The following ANAPC10 variants were observed in gnomAD, a reference collection of about 807,000 sequenced individuals.
ANAPC10 encodes anaphase-promoting complex subunit 10.
In ANAPC10, 12 loss-of-function variants were observed where a neutral mutation model predicts 22.0. That is an observed-to-expected ratio of 0.55 (90% confidence interval 0.35 to 0.88). The LOEUF is 0.88. Among genes scored for constraint, ANAPC10 ranks in the 40% least tolerant of loss-of-function variants. The pLI is 0.01. For missense variants in ANAPC10, 188 were observed against 220.9 expected (o/e 0.85, Z 0.94); for synonymous variants, 65 against 69.5 (o/e 0.94, Z 0.32).
chr4:145,033,494 G>A (rs1026715614), intron 4 of ANAPC10: 17 of 152,262 alleles, frequency 1.1e-4, no homozygotes, highest in African/African-American at 3.9e-4. Flanking sequence ...TGGGATGACT[G>A]ACCTGGACTA....
At chr4:145,054,768 G>T (rs1579054318) in intron 4 of ANAPC10, among the ~76,000 whole-genome samples, 1 of 151,866 alleles carries the variant, frequency 6.6e-6, no homozygotes, top group East Asian at 1.9e-4. Context: ...TATGAAAGAG[G>T]TCAGTAAATG....
intron 4 of ANAPC10, among the ~76,000 whole-genome samples, chr4:145,049,597 T>C (rs1740809349): frequency 6.6e-6 from 1 of 152,188 alleles, no homozygotes; most frequent in Non-Finnish European, 1.5e-5. Context: ...TTTGTTTTTT[T>C]GAGATAGGGT....
At chr4:144,999,224 C>G (rs1269414146) in intron 4 of ANAPC10, 1 of 154,474 alleles carries the variant, frequency 6.5e-6, no homozygotes, top group East Asian at 1.9e-4. Context: ...AGAAACTATT[C>G]CAATCAAGAG....
chr4:145,053,645 A>G (rs1203945620), intron 4 of ANAPC10: 1 of 465,730 alleles, frequency 2.1e-6, no homozygotes, highest in African/African-American at 2.0e-5. Flanking sequence ...AATTCTCTTA[A>G]TTCCTTTATG....
chr4:145,061,886 T>C (rs1029266054), intron 4 of ANAPC10, among the ~76,000 whole-genome samples: 7 of 151,874 alleles, frequency 4.6e-5, no homozygotes, highest in African/African-American at 1.2e-4. Context: ...GGTGGATAGA[T>C]CACTTGAGGT....
At chr4:145,006,264 A>G (rs1733331675) in intron 4 of ANAPC10, among the ~76,000 whole-genome samples, 1 of 152,090 alleles carries the variant, frequency 6.6e-6, no homozygotes, top group Non-Finnish European at 1.5e-5. Flanking sequence ...CTGAAATTAT[A>G]GCAACCCAGA....
At chr4:145,023,138 T>C (rs1736197347) in intron 4 of ANAPC10, among the ~76,000 whole-genome samples, 1 of 152,082 alleles carries the variant, frequency 6.6e-6, no homozygotes, top group Admixed American at 6.6e-5. Flanking sequence ...ATTGTACCAA[T>C]GACTGTCACA....
intron 4 of ANAPC10, among the ~76,000 whole-genome samples, chr4:145,006,871 A>T (rs1052955032): frequency 5.3e-5 from 8 of 151,942 alleles, no homozygotes; most frequent in Non-Finnish European, 8.8e-5. Flanking sequence ...TTGTCTCTGC[A>T]GAGACTCCTC....
At chr4:145,042,766 T>C (rs757202052) in intron 4 of ANAPC10, among the ~76,000 whole-genome samples, 37 of 152,184 alleles carry the variant, frequency 2.4e-4, no homozygotes, top group Admixed American at 1.8e-3. Context: ...CAGACACTGA[T>C]GTTCACACAA....
intron 1 of ANAPC10, chr4:145,097,819 G>T (rs1414221326): frequency 2.9e-6 from 1 of 339,634 alleles, no homozygotes; most frequent in African/African-American, 2.2e-5. Context: ...CCGGACTTGG[G>T]ACTGGACGCC....
At chr4:145,094,343 C>A (rs376811267) in intron 2 of ANAPC10, among the ~76,000 whole-genome samples, 4 of 152,030 alleles carry the variant, frequency 2.6e-5, no homozygotes, top group Non-Finnish European at 5.9e-5. Context: ...AGAAGACTGA[C>A]CATAAAGAGA....
chr4:145,081,446 G>A (rs528432070), intron 3 of ANAPC10: 2 of 401,942 alleles, frequency 5.0e-6, no homozygotes, highest in South Asian at 8.9e-5. Context: ...AAGGAACTAT[G>A]CAACATACCA....
At chr4:145,073,529 ATATATTGGTAT>A in intron 3 of ANAPC10, among the ~76,000 whole-genome samples, 1 of 152,158 alleles carries the variant, frequency 6.6e-6, no homozygotes, top group East Asian at 1.9e-4. Context: ...ACATCCATAC[ATATATTGGTAT>A]TAAAGTATAT....
At chr4:145,012,912 G>C (rs1242281820) in intron 4 of ANAPC10, among the ~76,000 whole-genome samples, 1 of 152,154 alleles carries the variant, frequency 6.6e-6, no homozygotes, top group Non-Finnish European at 1.5e-5. Flanking sequence ...CATGGTGATG[G>C]ATTTCCCCTT....
At chr4:145,028,774 A>G (rs1158304676) in intron 4 of ANAPC10, among the ~76,000 whole-genome samples, 1 of 152,226 alleles carries the variant, frequency 6.6e-6, no homozygotes, top group East Asian at 1.9e-4. Flanking sequence ...GACACTACAC[A>G]TAATACCTTT....
intron 4 of ANAPC10, among the ~76,000 whole-genome samples, chr4:145,006,328 T>C (rs1733348570): frequency 6.6e-6 from 1 of 152,140 alleles, no homozygotes; most frequent in Non-Finnish European, 1.5e-5. Context: ...GGAATTTGTT[T>C]GGCAAACATA....
intron 4 of ANAPC10, among the ~76,000 whole-genome samples, chr4:144,996,797 A>C (rs996702773): frequency 6.6e-6 from 1 of 152,222 alleles, no homozygotes; most frequent in African/African-American, 2.4e-5. Context: ...TCCGAGCTAA[A>C]GGAGGATATT....
At chr4:145,079,270 A>C (rs1008627086) in intron 3 of ANAPC10, among the ~76,000 whole-genome samples, 1 of 152,262 alleles carries the variant, frequency 6.6e-6, no homozygotes, top group Non-Finnish European at 1.5e-5. Context: ...GCATATGAAA[A>C]GATGGTCAAC....
chr4:144,998,991 T>C (rs901865434), intron 4 of ANAPC10, among the ~76,000 whole-genome samples: 1 of 152,122 alleles, frequency 6.6e-6, no homozygotes, highest in Middle Eastern at 3.2e-3. Context: ...TAAACACCTC[T>C]ACGCAAATAA....
Sources: gnomAD v4.1 joint callset for allele counts (sites outside exome capture counted in the v4.1 genomes callset) on GRCh38, gnomAD v4.1.1 for gene constraint, MANE v1.5 for transcripts, NCBI Gene and HGNC (gene_info 2026-07-23, HGNC 2026-07-21) for gene names.